The following NUMA1 variants were observed in gnomAD, a reference collection of about 807,000 sequenced individuals.
NUMA1 encodes nuclear mitotic apparatus protein 1, also known as SP-H antigen.
A neutral mutation model predicts 237.1 loss-of-function variants in NUMA1; 62 were observed. That is an observed-to-expected ratio of 0.26 (90% confidence interval 0.21 to 0.32). The LOEUF is 0.32. Among genes scored for constraint, NUMA1 ranks in the 10% least tolerant of loss-of-function variants. The probability of loss-of-function intolerance (pLI) is 1.00; values close to 1 mark genes in which losing one functional copy is unlikely to be tolerated. For missense variants in NUMA1, 2,533 were observed against 2,666.5 expected, an observed-to-expected ratio of 0.95 and a Z score of 1.10; for synonymous variants, 1,028 against 1,066.1, an observed-to-expected ratio of 0.96 and a Z score of 0.70.
intron 2 of NUMA1, among the ~76,000 whole-genome samples, chr11:72,047,096 C>A (rs921966424): frequency 4.6e-5 from 7 of 152,116 alleles, no homozygotes; most frequent in African/African-American, 1.7e-4. Context: ...ATCCTCCTGC[C>A]TCAGCCTCCT....
At position 72,017,775 on chromosome 11, in the gene NUMA1, A is replaced by T; in HGVS notation, c.1031T>A (p.Leu344Gln). The change falls in exon 13 of 27, where the codon CTG becomes CAG. Residue 344 changes from leucine (L) to glutamine (Q), a missense_variant. Coordinates refer to ENST00000393695, the MANE Select transcript of NUMA1 (RefSeq NM_006185.4). The stretch of plus-strand genomic sequence containing the variant: ...AGTGGCCTTGCTGTGCTCCTCCGTC[A>T]GCTCATTGAGGGCATCCTGTAGCTG... ...LQQLQDALNE[L>Q]TEEHSKATQE... is the part of the protein sequence containing the mutation. The T allele has an allele frequency of 6.2e-7, 1 of 1,612,668 alleles. No homozygotes were observed. Among genetic ancestry groups the T allele is most frequent in the Non-Finnish European group, 8.5e-7 (1 of 1,179,504 alleles).
In NUMA1 at chr11:72,006,181, C is replaced by T. The variant is rs750396147; in HGVS notation, c.5546G>A (p.Arg1849Gln). The T allele has an allele frequency of 8.7e-6, 14 of 1,614,116 alleles. No individual in the cohort carries two copies. Among genetic ancestry groups the T allele is most frequent in the Non-Finnish European group, 1.1e-5 (13 of 1,180,032 alleles). Residue 1849 changes from arginine (R) to glutamine (Q), a missense_variant, in exon 22 of 27, where the codon CGA becomes CAA. By Grantham distance (43) the Arg-to-Gln change is conservative (BLOSUM62 1). Around this residue, in one of 3 missense-constraint regions of NUMA1, gnomAD observed 795 missense variants for 750.8 expected, o/e 1.06. Coordinates refer to ENST00000393695, the MANE Select transcript of NUMA1 (RefSeq NM_006185.4). ...RSAPASQASLRATSSTQSLAR... is the reference protein window; with the variant it reads ...RSAPASQASLQATSSTQSLAR... ...TAGAGACTGAGTAGAGGAGGTGGCT[C>T]GCAGGCTAGCCTGGGAAGCAGGAGC... is the stretch of plus-strand genomic sequence containing the variant.
chr11:72,043,954 T>C (rs1565269057), intron 2 of NUMA1, among the ~76,000 whole-genome samples: 1 of 152,044 alleles, frequency 6.6e-6, no homozygotes, highest in East Asian at 1.9e-4. Flanking sequence ...AATGGACAGA[T>C]AGATAAACAG....
chr11:72,060,084 A>G (rs1000067371), intron 2 of NUMA1, among the ~76,000 whole-genome samples: 1 of 152,202 alleles, frequency 6.6e-6, no homozygotes, highest in Non-Finnish European at 1.5e-5. Context: ...AAGTCCAGAC[A>G]TCAAAGCTGT....
intron 3 of NUMA1, among the ~76,000 whole-genome samples, chr11:72,034,208 A>G (rs1940712771): frequency 6.6e-6 from 1 of 152,216 alleles, no homozygotes; most frequent in Non-Finnish European, 1.5e-5. Context: ...GTCAACTAGC[A>G]TGCCCAGGAA....
chr11:72,031,654 T>C (rs911783606), intron 3 of NUMA1, among the ~76,000 whole-genome samples: 19 of 150,546 alleles, frequency 1.3e-4, no homozygotes, highest in African/African-American at 4.4e-4. Context: ...TAAAAAAATT[T>C]TTAGCTGGGT....
chr11:72,010,672 A>C, intron 17 of NUMA1, 114 bp downstream of exon 17: 2 of 996,420 alleles, frequency 2.0e-6, no homozygotes, highest in Non-Finnish European at 3.0e-6. Flanking sequence ...TAGGAGGGCT[A>C]CCTGGAATGC....
Position 72,005,852 on chromosome 11 carries a change from C to T in NUMA1, c.5692+183G>A, listed in dbSNP as rs1955649266. 5 of 606,526 alleles carry T rather than the reference C, an allele frequency of 8.2e-6. No individual in the cohort carries two copies. The East Asian group carries it at 8.3e-5, about 10-fold the overall frequency. 37.6% of individuals were successfully genotyped at this position (606,526 alleles called of 1,614,324 possible). On this transcript the variant is annotated intron_variant, in intron 22 of 26. Transcript: ENST00000393695. ...ACTCTGGCTAAGAGTGCCCCCAACA[C>T]AGCCAGCCCCTAGATGGGCAGGTAA... is the stretch of plus-strand genomic sequence containing the variant.
intron 17 of NUMA1, among the ~76,000 whole-genome samples, 184 bp from the exon 18 acceptor site, chr11:72,009,571 G>A (rs966693248): frequency 6.6e-6 from 1 of 152,138 alleles, no homozygotes; most frequent in East Asian, 1.9e-4. Flanking sequence ...AAGCCCACAT[G>A]CCCTTCAGTC....
intron 2 of NUMA1, among the ~76,000 whole-genome samples, chr11:72,059,172 T>C (rs71477711): frequency 7.9e-5 from 12 of 152,248 alleles, no homozygotes; most frequent in Non-Finnish European, 1.5e-4. Context: ...GTGTTTGGTC[T>C]ACATATCTGT....
At chr11:72,068,528 G>T in intron 2 of NUMA1, 1 of 152,552 alleles carries the variant, frequency 6.6e-6, no homozygotes, top group Admixed American at 6.5e-5. Context: ...GGCTGAGGCA[G>T]GAGAATCGCT....
intron 1 of NUMA1, among the ~76,000 whole-genome samples, chr11:72,073,589 T>C (rs1217504526): frequency 6.6e-6 from 1 of 152,212 alleles, no homozygotes; most frequent in Non-Finnish European, 1.5e-5. Context: ...AGAAAACTTT[T>C]TTCAAATATA....
At chr11:72,018,108 A>G (rs778844437) in intron 12 of NUMA1, 75 bp downstream of exon 12, 37 of 1,122,372 alleles carry the variant, frequency 3.3e-5, no homozygotes, top group Non-Finnish European at 4.6e-5. Flanking sequence ...CATTCTTCTC[A>G]ACCCTCTCTT....
intron 1 of NUMA1, among the ~76,000 whole-genome samples, chr11:72,073,958 G>C (rs547008383): frequency 6.6e-6 from 1 of 152,176 alleles, no homozygotes; most frequent in Non-Finnish European, 1.5e-5. Context: ...TTGGGAGGCT[G>C]AGGCAGGTGG....
chr11:72,056,908 A>G (rs1259083872), intron 2 of NUMA1, among the ~76,000 whole-genome samples: 1 of 152,058 alleles, frequency 6.6e-6, no homozygotes, highest in Non-Finnish European at 1.5e-5. Context: ...TTTGTTAATG[A>G]AAACAAAAAT....
chr11:72,075,618 A>C (rs1316595361), intron 1 of NUMA1, among the ~76,000 whole-genome samples: 1 of 152,190 alleles, frequency 6.6e-6, no homozygotes, highest in East Asian at 1.9e-4. Context: ...TTTGTTTTTC[A>C]GTCCTGGATG....
rs1167527842 is a variant in NUMA1 at position 72,003,194 on chromosome 11, A to G, written c.*333T>C. ...ATGGTCCCTTCTAGATCCAGAGGCT[A>G]AGAGGAAGACTGGCCAGGCCCAAGG... is the stretch of plus-strand genomic sequence containing the variant. On this transcript the variant is annotated 3_prime_UTR_variant, in exon 27 of 27. Coordinates refer to ENST00000393695, the MANE Select transcript of NUMA1 (RefSeq NM_006185.4). The G allele has an allele frequency of 4.9e-6, 2 of 404,836 alleles. No individual in the cohort carries two copies. The highest frequency in any genetic ancestry group is 4.0e-5 in the African/African-American group (2 of 50,236). 25.1% of individuals were successfully genotyped at this position (404,836 alleles called of 1,614,324 possible).
Position 72,054,452 on chromosome 11 carries a change from G to C in NUMA1, c.-33+15390C>G, listed in dbSNP as rs1298579011. On this transcript the variant is annotated intron_variant, in intron 2 of 26. Transcript: ENST00000393695. ...AATTGCAATCCACCCTGGGAAACAAGAGCAAAACTCCATCTCAAAAAAAAA... is the reference window on the plus strand; with the variant it reads ...AATTGCAATCCACCCTGGGAAACAACAGCAAAACTCCATCTCAAAAAAAAA... Among the ~76,000 whole-genome samples the C allele has an allele frequency of 5.4e-5, 8 of 147,516 alleles. No homozygotes were observed. The East Asian group carries it at 1.4e-3, about 26-fold the overall frequency.
intron 2 of NUMA1, among the ~76,000 whole-genome samples, chr11:72,053,176 G>A (rs1942459449): frequency 6.6e-6 from 1 of 152,214 alleles, no homozygotes; most frequent in Non-Finnish European, 1.5e-5. Context: ...TGTAGAGACA[G>A]GATCTTGCTA....
Sources: allele counts gnomAD v4.1 joint callset (sites outside exome capture counted in the v4.1 genomes callset), GRCh38; gene constraint gnomAD v4.1.1; regional missense constraint gnomAD v4.1.1; transcripts MANE v1.5; gene names NCBI Gene and HGNC (gene_info 2026-07-23, HGNC 2026-07-21).